Variants in SRD5A3 observed in about 807,000 individuals in gnomAD.
The protein encoded by SRD5A3 is steroid 5 alpha-reductase 3.
In SRD5A3, 24 loss-of-function variants were observed where a neutral mutation model predicts 34.3. That is an observed-to-expected ratio of 0.70 (90% CI 0.51 to 0.99). The LOEUF (loss-of-function observed/expected upper bound fraction) is 0.99. SRD5A3 is among the 50% of genes least tolerant of loss of function. The pLI, the probability that SRD5A3 is intolerant of heterozygous loss-of-function variation, is 0.00. For synonymous variants in SRD5A3, 161 were observed against 167.3 expected, an observed-to-expected ratio of 0.96 and a Z score of 0.29; for missense variants, 350 against 388.2, an observed-to-expected ratio of 0.90 and a Z score of 0.83.
chr4:55,367,591 A>G lies in SRD5A3; in HGVS notation c.566A>G (p.Tyr189Cys). Residue 189 changes from tyrosine to cysteine, a missense_variant, in exon 4 of 5, where the codon TAC (tyrosine) becomes TGC (cysteine). By Grantham distance (194) the Tyr-to-Cys change is radical (BLOSUM62 -2). Transcript: ENST00000264228. ...CTAACAATTCTCATTCCTATAGCCT[A>G]CATAACAGGGAAAAATCTATTGATG... ...SQVPMDGRNA[Y>C]ITGKNLLMQA... is the part of the protein sequence containing the mutation. The G allele has an allele frequency of 1.2e-6, 2 of 1,614,084 alleles. No homozygotes were observed. The highest frequency in any genetic ancestry group is 1.7e-6 in the Non-Finnish European group (2 of 1,180,032).
chr4:55,361,554 C>T (rs1719686485), intron 2 of SRD5A3, among the ~76,000 whole-genome samples: 1 of 151,632 alleles, frequency 6.6e-6, no homozygotes, highest in Non-Finnish European at 1.5e-5. Flanking sequence ...ATAACCCCAG[C>T]ACTTTGGGAG....
Position 55,359,630 on chromosome 4 carries a change from A to G in SRD5A3, c.364+142A>G, listed in dbSNP as rs146291918. On this transcript the variant is annotated intron_variant, in intron 2 of 4. Transcript: ENST00000264228. ...GAAGTGGAGGATGAGGGCAAAAAAG[A>G]GCTTTGCACGGTTCATTGCCGGATG... The G allele has an allele frequency of 2.9e-3, 3,224 of 1,108,418 alleles. 14 individuals carry two copies. The highest frequency in any genetic ancestry group is 0.012 in the African/African-American group (797 of 63,822). The allele number at this position is 1,108,418 out of a possible 1,614,324, so 68.7% of individuals were successfully genotyped here.
At chr4:55,367,858 G>C in intron 4 of SRD5A3, 136 bp downstream of exon 4, 1 of 1,156,712 alleles carries the variant, frequency 8.6e-7, no homozygotes, top group Non-Finnish European at 1.3e-6. Context: ...ACACTTCTCT[G>C]GGCCTTGATC....
At position 55,372,112 on chromosome 4, in the gene SRD5A3, CA is replaced by C. The variant is rs1720150848; in HGVS notation, c.*2025del. On this transcript the variant is annotated 3_prime_UTR_variant, in exon 5 of 5. Transcript: ENST00000264228. ...ATTTAGAATTTGCCATTCTCAGGAACAAAACTTTTTGTACATTGGAAATGGA... is the reference window on the plus strand; with the variant it reads ...ATTTAGAATTTGCCATTCTCAGGAACAAACTTTTTGTACATTGGAAATGGA... 5 of 152,146 alleles carry C rather than the reference CA, an allele frequency of 3.3e-5. No homozygotes were observed. The highest frequency in any genetic ancestry group is 5.9e-5 in the Non-Finnish European group (4 of 68,020). The allele number at this position is 152,146 out of a possible 1,614,324, so 9.4% of individuals were successfully genotyped here.
chr4:55,353,016 T>G (rs1719255655), intron 1 of SRD5A3, among the ~76,000 whole-genome samples: 1 of 152,108 alleles, frequency 6.6e-6, no homozygotes, highest in Non-Finnish European at 1.5e-5. Flanking sequence ...GAGTGGAAGC[T>G]ACTGAGGGCT....
chr4:55,370,337 T>C lies in SRD5A3; in HGVS notation c.*246T>C. On this transcript the variant is annotated 3_prime_UTR_variant, in exon 5 of 5. Coordinates refer to ENST00000264228, the MANE Select transcript of SRD5A3 (RefSeq NM_024592.5). ...TTCTGGGTCCACTTTCTGAGATGCT[T>C]TCTAAAACCAACCAACTGATAAAAA... The C allele has an allele frequency of 1.8e-6, 1 of 553,286 alleles. No individual in the cohort carries two copies. The highest frequency in any genetic ancestry group is 3.2e-6 in the Non-Finnish European group (1 of 314,830). 34.3% of individuals were successfully genotyped at this position (553,286 alleles called of 1,614,324 possible).
chr4:55,363,023 T>G (rs1719743359), intron 2 of SRD5A3, among the ~76,000 whole-genome samples: 1 of 149,742 alleles, frequency 6.7e-6, no homozygotes, highest in African/African-American at 2.5e-5. Flanking sequence ...TTTTTTGTAT[T>G]TTTAGTAGAG....
rs375938768 is a variant in SRD5A3, at chr4:55,371,561, A to C, written c.*1470A>C. The C allele has an allele frequency of 6.6e-6, 1 of 152,204 alleles. No homozygotes were observed. 9.4% of individuals were successfully genotyped at this position (152,204 alleles called of 1,614,324 possible). A position where few individuals can be genotyped will look rare whatever the true frequency, so the allele number is the denominator to read the frequency against. On this transcript the variant is annotated 3_prime_UTR_variant, in exon 5 of 5. Transcript: ENST00000264228. ...ACTTTGCTATGGGGGAAAGAACCTT[A>C]TGATTAATAAGACACATATCAAATG...
At chr4:55,357,224 TA>T (rs1172113338) in intron 1 of SRD5A3, among the ~76,000 whole-genome samples, 2 of 152,204 alleles carry the variant, frequency 1.3e-5, no homozygotes, top group Non-Finnish European at 2.9e-5. Context: ...CACTCTAAGG[TA>T]AACTCCCATT....
chr4:55,369,665 A>G, intron 4 of SRD5A3, 167 bp from the exon 5 acceptor site: 1 of 734,384 alleles, frequency 1.4e-6, no homozygotes, highest in Non-Finnish European at 2.2e-6. Flanking sequence ...TGGAAGGTTG[A>G]GACTACAGTG....
rs1050082261 is a variant in SRD5A3 at position 55,359,370 on chromosome 4, C to T, written c.246C>T (p.Ile82=). 4 of 1,613,992 alleles carry T rather than the reference C, an allele frequency of 2.5e-6. No individual in the cohort carries two copies. Among genetic ancestry groups the T allele is most frequent in the Admixed American group, 1.7e-5 (1 of 59,980 alleles). The part of the protein sequence containing the change: ...PKRYFSHFYI[I]SVLWNGFLLW... The stretch of plus-strand genomic sequence containing the variant: ...GATATTTTTCCCACTTTTATATCAT[C>T]TCAGTGCTGTGGAATGGCTTCCTGC... The change falls in exon 2 of 5, where the codon ATC becomes ATT. Residue 82 remains isoleucine, a synonymous_variant. Transcript: ENST00000264228.
intron 2 of SRD5A3, among the ~76,000 whole-genome samples, chr4:55,363,109 A>G (rs1326529017): frequency 1.3e-5 from 2 of 151,790 alleles, no homozygotes; most frequent in Non-Finnish European, 2.9e-5. Context: ...CAACTCCCAA[A>G]GTGGTAGGAT....
chr4:55,359,520 C>T (rs952320740), intron 2 of SRD5A3, 32 bp downstream of exon 2: 2 of 1,613,520 alleles, frequency 1.2e-6, no homozygotes, highest in Non-Finnish European at 1.7e-6. Context: ...GACAACGCTG[C>T]ATCCCGTTTC....
At chr4:55,348,740 C>T (rs1209661544) in intron 1 of SRD5A3, among the ~76,000 whole-genome samples, 3 of 152,178 alleles carry the variant, frequency 2.0e-5, no homozygotes, top group Admixed American at 6.5e-5. Context: ...TACACACATG[C>T]AGACTCAAGC....
At chr4:55,347,579 A>G (rs987855040) in intron 1 of SRD5A3, among the ~76,000 whole-genome samples, 1 of 152,182 alleles carries the variant, frequency 6.6e-6, no homozygotes, top group Non-Finnish European at 1.5e-5. Context: ...AGTGGGCTAT[A>G]ATCATGGCAC....
At chr4:55,364,336 G>A (rs543702198) in intron 3 of SRD5A3, 65 bp downstream of exon 3, 6 of 1,544,550 alleles carry the variant, frequency 3.9e-6, no homozygotes, top group Non-Finnish European at 5.4e-6. Flanking sequence ...CTCGGGGCTT[G>A]TGCTGTGCTA....
chr4:55,351,852 A>T (rs562642117), intron 1 of SRD5A3: 2 of 575,608 alleles, frequency 3.5e-6, no homozygotes, highest in East Asian at 4.2e-5. Flanking sequence ...CATTCATTCA[A>T]TGTTGTATCT....
chr4:55,357,701 T>G (rs1220269522), intron 1 of SRD5A3, among the ~76,000 whole-genome samples: 1 of 152,220 alleles, frequency 6.6e-6, no homozygotes, highest in African/African-American at 2.4e-5. Context: ...TGATAGAATT[T>G]TATTTATTTA....
chr4:55,352,925 T>C (rs1719250844), intron 1 of SRD5A3, among the ~76,000 whole-genome samples: 1 of 152,090 alleles, frequency 6.6e-6, no homozygotes, highest in African/African-American at 2.4e-5. Context: ...AGTGACAACA[T>C]AGAAGGATGG....
Sources: allele counts gnomAD v4.1 joint callset (sites outside exome capture counted in the v4.1 genomes callset), GRCh38; gene constraint gnomAD v4.1.1; transcripts MANE v1.5; gene names NCBI Gene and HGNC (gene_info 2026-07-23, HGNC 2026-07-21).